Variants in HIVEP3 observed in about 807,000 individuals in gnomAD.
The protein encoded by HIVEP3 is HIVEP zinc finger 3, also known as transcription factor HIVEP3.
In HIVEP3, 49 loss-of-function variants were observed where a neutral mutation model predicts 152.8. That is an observed-to-expected ratio of 0.32 (90% CI 0.26 to 0.41). The LOEUF is 0.41. Among genes scored for constraint, HIVEP3 ranks in the 10% least tolerant of loss-of-function variants. HIVEP3 has a pLI of 1.00. For missense variants in HIVEP3, 2,790 were observed against 3,103.3 expected, an observed-to-expected ratio of 0.90 and a Z score of 2.40; for synonymous variants, 1,269 against 1,289.0, an observed-to-expected ratio of 0.98 and a Z score of 0.33.
At chr1:42,006,861 T>A (rs1570887016) in intron 1 of HIVEP3, among the ~76,000 whole-genome samples, 1 of 152,222 alleles carries the variant, frequency 6.6e-6, no homozygotes, top group East Asian at 1.9e-4. Context: ...AATTTGAGAA[T>A]GACCGTACTA....
chr1:41,719,444 A>T (rs1277062004), intron 1 of HIVEP3, among the ~76,000 whole-genome samples: 1 of 152,194 alleles, frequency 6.6e-6, no homozygotes, highest in Non-Finnish European at 1.5e-5. Flanking sequence ...TATCTAAAAC[A>T]ATTTTAGGCA....
intron 1 of HIVEP3, among the ~76,000 whole-genome samples, chr1:41,886,712 C>CAAA (rs71062602): frequency 0.018 from 1,565 of 87,666 alleles, 91 homozygotes; most frequent in African/African-American, 0.049. Flanking sequence ...AACTCCATTT[C>CAAA]AAAAAAAAAA....
intron 1 of HIVEP3, among the ~76,000 whole-genome samples, chr1:41,938,365 C>G (rs1645029840): frequency 6.6e-6 from 1 of 152,188 alleles, no homozygotes; most frequent in African/African-American, 2.4e-5. Flanking sequence ...TCCCCAGCAC[C>G]TGGAACAGTA....
chr1:41,536,640 C>T (rs1016349127), intron 5 of HIVEP3, among the ~76,000 whole-genome samples: 5 of 151,990 alleles, frequency 3.3e-5, no homozygotes, highest in African/African-American at 1.2e-4. Context: ...TCCTGTCCTG[C>T]CAAATGTCAC....
At chr1:41,524,983 G>A (rs1642858908) in intron 5 of HIVEP3, 73 bp from the exon 6 acceptor site, 5 of 1,361,942 alleles carry the variant, frequency 3.7e-6, no homozygotes, top group African/African-American at 2.9e-5. Flanking sequence ...GAAGACGCAC[G>A]CGCTTCCTAG....
intron 3 of HIVEP3, among the ~76,000 whole-genome samples, chr1:41,590,571 T>C (rs936321796): frequency 2.6e-5 from 4 of 152,200 alleles, no homozygotes; most frequent in Admixed American, 6.5e-5. Flanking sequence ...GAAGACAGTG[T>C]GAAGCAAAGC....
intron 5 of HIVEP3, among the ~76,000 whole-genome samples, chr1:41,560,283 T>C (rs1644038759): frequency 6.6e-6 from 1 of 152,174 alleles, no homozygotes; most frequent in South Asian, 2.1e-4. Flanking sequence ...AACTTTTGTG[T>C]GAGGCGCAGG....
At chr1:41,669,988 A>G (rs1645849755) in intron 2 of HIVEP3, among the ~76,000 whole-genome samples, 1 of 151,918 alleles carries the variant, frequency 6.6e-6, no homozygotes, top group Non-Finnish European at 1.5e-5. Flanking sequence ...ATCTCCAACA[A>G]CTCTGAAGTA....
chr1:41,512,871 G>A lies in HIVEP3; in HGVS notation c.6350C>T (p.Ala2117Val), dbSNP rs375725897. Residue 2117 changes from alanine to valine, a missense_variant, in exon 8 of 9, where the codon GCG becomes GTG. Coordinates refer to ENST00000372583, the MANE Select transcript of HIVEP3 (RefSeq NM_024503.5). The part of the protein sequence containing the change: ...GLDPRVLFPP[A>V]PLPHKLLSRS... ...GCTGAGGAGCTTGTGAGGTAGAGGCGCGGGCGGGAAGAGAACCCGTGGGTC... is the reference window on the plus strand; with the variant it reads ...GCTGAGGAGCTTGTGAGGTAGAGGCACGGGCGGGAAGAGAACCCGTGGGTC... 7.7e-6 allele frequency: 12 copies of A among 1,552,980 alleles called. No homozygotes were observed. The Admixed American group carries it at 1.9e-4, about 25-fold the overall frequency.
At chr1:41,906,555 C>T (rs1570782689) in intron 1 of HIVEP3, among the ~76,000 whole-genome samples, 1 of 152,216 alleles carries the variant, frequency 6.6e-6, no homozygotes, top group South Asian at 2.1e-4. Flanking sequence ...CTAAGTGTGA[C>T]AGGCATGAAG....
At chr1:41,865,317 C>T (rs1314799450) in intron 1 of HIVEP3, among the ~76,000 whole-genome samples, 1 of 152,218 alleles carries the variant, frequency 6.6e-6, no homozygotes, top group African/African-American at 2.4e-5. Flanking sequence ...GAGCTGGACC[C>T]ACTGTGCAGC....
intron 1 of HIVEP3, among the ~76,000 whole-genome samples, chr1:41,729,590 C>T (rs1646808028): frequency 1.3e-5 from 2 of 152,206 alleles, no homozygotes; most frequent in Non-Finnish European, 2.9e-5. Flanking sequence ...TTCTAAACTC[C>T]TCCTTTCCAA....
At chr1:41,610,474 G>T (rs977577210) in intron 3 of HIVEP3, among the ~76,000 whole-genome samples, 3 of 152,214 alleles carry the variant, frequency 2.0e-5, no homozygotes, top group Non-Finnish European at 4.4e-5. Context: ...TGATGGCCTA[G>T]GGGAATCCTA....
At chr1:41,696,239 CAA>C (rs990815287) in intron 2 of HIVEP3, among the ~76,000 whole-genome samples, 1 of 152,262 alleles carries the variant, frequency 6.6e-6, no homozygotes, top group African/African-American at 2.4e-5. Context: ...CAGCTCCAGT[CAA>C]AGACTATCCT....
intron 2 of HIVEP3, among the ~76,000 whole-genome samples, chr1:41,660,842 T>G (rs2124044160): frequency 6.6e-6 from 1 of 152,024 alleles, no homozygotes; most frequent in East Asian, 1.9e-4. Context: ...AATTTGCCAT[T>G]CTTACTCTAA....
At chr1:41,884,629 T>C (rs2124431337) in intron 1 of HIVEP3, among the ~76,000 whole-genome samples, 1 of 152,350 alleles carries the variant, frequency 6.6e-6, no homozygotes, top group East Asian at 1.9e-4. Context: ...AGGGTTAGCA[T>C]TGGAAGGGAT....
intron 1 of HIVEP3, among the ~76,000 whole-genome samples, chr1:41,961,740 A>C (rs969210078): frequency 6.6e-6 from 1 of 152,272 alleles, no homozygotes; most frequent in African/African-American, 2.4e-5. Flanking sequence ...AGCGAGAGAA[A>C]ACATTCCCTG....
chr1:41,863,727 A>C (rs1643918929), intron 1 of HIVEP3, among the ~76,000 whole-genome samples: 1 of 152,240 alleles, frequency 6.6e-6, no homozygotes, highest in East Asian at 1.9e-4. Context: ...ATTAGATCCT[A>C]GTAATTCTAC....
At chr1:41,826,112 T>C (rs916905571) in intron 1 of HIVEP3, among the ~76,000 whole-genome samples, 2 of 152,214 alleles carry the variant, frequency 1.3e-5, no homozygotes, top group African/African-American at 4.8e-5. Context: ...ATAGGACTAT[T>C]TGCAGTCTCC....
Sources: gnomAD v4.1 joint callset for allele counts (sites outside exome capture counted in the v4.1 genomes callset) on GRCh38, gnomAD v4.1.1 for gene constraint, MANE v1.5 for transcripts, NCBI Gene and HGNC (gene_info 2026-07-23, HGNC 2026-07-21) for gene names.